The following KATNIP variants were observed in gnomAD, a reference collection of about 807,000 sequenced individuals.
The protein encoded by KATNIP is katanin-interacting protein.
A neutral mutation model predicts 174.0 loss-of-function variants in KATNIP; 126 were observed. The observed-to-expected ratio is 0.72, with a 90% CI of 0.63 to 0.84. The LOEUF is 0.84. Ranked by LOEUF, KATNIP falls within the 40% of genes least tolerant of loss-of-function variation. KATNIP has a pLI of 0.00. For synonymous variants in KATNIP, 810 were observed against 835.7 expected, an observed-to-expected ratio of 0.97 and a Z score of 0.53; for missense variants, 1,958 against 2,109.7, an observed-to-expected ratio of 0.93 and a Z score of 1.41.
chr16:27,776,487 C>T lies in KATNIP; in HGVS notation c.4450-441C>T, dbSNP rs113837942. Among the ~76,000 whole-genome samples, 159 of 152,242 alleles carry T rather than the reference C, an allele frequency of 1.0e-3. 1 individual carries two copies. Among genetic ancestry groups the T allele is most frequent in the African/African-American group, 3.1e-3 (130 of 41,538 alleles). ...TGGACATTGTCCAGCAGCACCTTGG[C>T]GTTGCTTCTCAGTGATGGTTTGGGG... On this transcript the variant is annotated intron_variant, in intron 24 of 27. Coordinates refer to ENST00000261588, the MANE Select transcript of KATNIP (RefSeq NM_015202.5). This position sits in a 1 kb window ranked among gnomAD's most constrained non-coding sequence, Gnocchi z 4.7.
chr16:27,612,022 G>A (rs2075906365), intron 2 of KATNIP, among the ~76,000 whole-genome samples: 1 of 152,106 alleles, frequency 6.6e-6, no homozygotes, highest in Non-Finnish European at 1.5e-5. Flanking sequence ...GTGGGTTTCT[G>A]GAAAAGGGAA....
At chr16:27,672,685 G>A (rs957381627) in intron 6 of KATNIP, among the ~76,000 whole-genome samples, 1 of 152,206 alleles carries the variant, frequency 6.6e-6, no homozygotes, top group Non-Finnish European at 1.5e-5. Flanking sequence ...GTGGCGGAGT[G>A]CAGAAGTCAC....
intron 1 of KATNIP, among the ~76,000 whole-genome samples, chr16:27,571,167 G>A (rs1336848958): frequency 6.6e-6 from 1 of 152,024 alleles, no homozygotes; most frequent in Non-Finnish European, 1.5e-5. Flanking sequence ...TGAGTAGCTG[G>A]AATTACAAGC....
rs761000954 is a variant in KATNIP, at chr16:27,766,396, C to G, written c.3897C>G (p.Ile1299Met). 88 of 1,614,048 alleles carry G rather than the reference C, an allele frequency of 5.5e-5. No homozygotes were observed. Among genetic ancestry groups the G allele is most frequent in the Non-Finnish European group, 7.1e-5 (84 of 1,180,036 alleles). The change falls in exon 20 of 28, where the codon ATC becomes ATG. Residue 1299 changes from isoleucine to methionine, a missense_variant. By Grantham distance (10) the Ile-to-Met change is conservative. This residue lies in a region of KATNIP where 383 missense variants were observed against 456.0 expected (regional missense o/e 0.84). Transcript: ENST00000261588. ...CGGGGCTGGACCATGTGGTCACGAT[C>G]CGCCTGGACAGGGCCGAAAGCATCG... ...FSPGLDHVVTIRLDRAESIAG... is the reference protein window; with the variant it reads ...FSPGLDHVVTMRLDRAESIAG...
chr16:27,588,878 C>CTTTTTTT (rs11346883), intron 2 of KATNIP, among the ~76,000 whole-genome samples: 5 of 78,108 alleles, frequency 6.4e-5, no homozygotes, highest in Admixed American at 1.7e-4. Flanking sequence ...CAACTCTATT[C>CTTTTTTT]TTTTTTTTTT....
At chr16:27,610,610 C>T (rs1384560436) in intron 2 of KATNIP, among the ~76,000 whole-genome samples, 1 of 152,124 alleles carries the variant, frequency 6.6e-6, no homozygotes, top group African/African-American at 2.4e-5. Flanking sequence ...AGTTGCAGCC[C>T]GCTTTTGTAC....
At chr16:27,640,451 G>A (rs1032786584) in intron 5 of KATNIP, among the ~76,000 whole-genome samples, 4 of 152,172 alleles carry the variant, frequency 2.6e-5, no homozygotes, top group Non-Finnish European at 4.4e-5. Flanking sequence ...TTCCGTGTGG[G>A]CAGGGCTGCT....
At chr16:27,574,467 C>T (rs2090415451) in intron 2 of KATNIP, among the ~76,000 whole-genome samples, 1 of 151,380 alleles carries the variant, frequency 6.6e-6, no homozygotes, top group Non-Finnish European at 1.5e-5. Context: ...CATGGTGCTT[C>T]AAGGGCTCAA....
intron 3 of KATNIP, among the ~76,000 whole-genome samples, chr16:27,621,144 C>A (rs2076183168): frequency 6.6e-6 from 1 of 151,976 alleles, no homozygotes; most frequent in African/African-American, 2.4e-5. Context: ...GGTGTGGTGG[C>A]ATCCACCTAT....
chr16:27,608,616 C>G (rs1471912607), intron 2 of KATNIP, among the ~76,000 whole-genome samples: 1 of 151,898 alleles, frequency 6.6e-6, no homozygotes, highest in Non-Finnish European at 1.5e-5. Flanking sequence ...CTCCTGGGCT[C>G]AAGCTATCCT....
chr16:27,574,817 C>T (rs1443577534), intron 2 of KATNIP, among the ~76,000 whole-genome samples: 2 of 145,700 alleles, frequency 1.4e-5, no homozygotes, highest in African/African-American at 5.0e-5. Flanking sequence ...TCCCAAAGTG[C>T]TGGGATTACA....
Position 27,754,244 on chromosome 16 carries a change from C to A in KATNIP, c.3624C>A (p.His1208Gln). 6.2e-7 allele frequency: 1 copy of A among 1,613,786 alleles called. No individual in the cohort carries two copies. The highest frequency in any genetic ancestry group is 8.5e-7 in the Non-Finnish European group (1 of 1,179,646). Residue 1208 changes from histidine to glutamine, a missense_variant, in exon 18 of 28, where the codon CAC (histidine) becomes CAA (glutamine). Transcript: ENST00000261588. ...QVTTPEPGIY[H>Q]GICLQLNFTA... is the part of the protein sequence containing the mutation. ...CCACGCCAGAGCCAGGCATCTACCA[C>A]GGAATCTGTGAGTAGCTCTCCTGGA...
At chr16:27,592,698 A>T (rs2075215490) in intron 2 of KATNIP, among the ~76,000 whole-genome samples, 1 of 152,040 alleles carries the variant, frequency 6.6e-6, no homozygotes, top group Non-Finnish European at 1.5e-5. Context: ...GTTCATTGTG[A>T]TAGAGGCACC....
intron 18 of KATNIP, among the ~76,000 whole-genome samples, chr16:27,760,431 TTTGCCCCAG>T (rs1194803538): frequency 6.6e-6 from 1 of 152,180 alleles, no homozygotes; most frequent in Non-Finnish European, 1.5e-5. Flanking sequence ...TCTGGGCTGT[TTTGCCCCAG>T]GGCCACAGAA....
chr16:27,683,009 A>C (rs1322143673), intron 8 of KATNIP, among the ~76,000 whole-genome samples: 1 of 152,144 alleles, frequency 6.6e-6, no homozygotes, highest in Non-Finnish European at 1.5e-5. Context: ...TTGACCTTGG[A>C]CTTCTCAGCT....
rs374937388 is a variant in KATNIP, at chr16:27,657,620, A to C, written c.540+8885A>C. Among the ~76,000 whole-genome samples the C allele has an allele frequency of 9.9e-5, 15 of 152,004 alleles. 1 individual carries two copies. The highest frequency in any genetic ancestry group is 1.8e-4 in the Non-Finnish European group (12 of 68,008). On this transcript the variant is annotated intron_variant, in intron 6 of 27. Coordinates refer to ENST00000261588, the MANE Select transcript of KATNIP (RefSeq NM_015202.5). ...AACAAAACAAAACAAAACAAACAAA[A>C]AAAAAACAAGGCCAGACGCAGTGGC...
At chr16:27,771,483 C>T (rs1292815244) in intron 21 of KATNIP, 105 bp from the exon 22 acceptor site, 8 of 1,081,016 alleles carry the variant, frequency 7.4e-6, no homozygotes, top group South Asian at 4.6e-5. Context: ...TCCTAGGGAA[C>T]GCTAAACTGC....
chr16:27,604,081 C>T (rs2075624454), intron 2 of KATNIP, among the ~76,000 whole-genome samples: 1 of 152,110 alleles, frequency 6.6e-6, no homozygotes, highest in Non-Finnish European at 1.5e-5. Flanking sequence ...TGTCAGGTGA[C>T]ATACAATATA....
In KATNIP at chr16:27,650,806, T is replaced by C. The variant is rs1039736236; in HGVS notation, c.540+2071T>C. On this transcript the variant is annotated intron_variant, in intron 6 of 27. Transcript: ENST00000261588. Reference sequence around the variant, plus strand: ...AAAACAGAATATAAAAGTCGTTTTCTATGGAATGATCCAATGACTTTGTTT... The same window carrying C: ...AAAACAGAATATAAAAGTCGTTTTCCATGGAATGATCCAATGACTTTGTTT... Among the ~76,000 whole-genome samples the C allele has an allele frequency of 3.3e-5, 5 of 152,262 alleles. 1 individual carries two copies. The highest frequency in any genetic ancestry group is 5.9e-5 in the Non-Finnish European group (4 of 68,044).
Sources: allele counts gnomAD v4.1 joint callset (sites outside exome capture counted in the v4.1 genomes callset), GRCh38; gene constraint gnomAD v4.1.1; regional missense constraint gnomAD v4.1.1; non-coding constraint Gnocchi (gnomAD v3.1); transcripts MANE v1.5; gene names NCBI Gene and HGNC (gene_info 2026-07-23, HGNC 2026-07-21).